Variants in PDE10A observed in about 807,000 individuals in gnomAD.
PDE10A encodes phosphodiesterase 10A.
PDE10A carries 39 observed loss-of-function variants against 97.7 expected under a neutral mutation model. The ratio of observed to expected loss-of-function variants is 0.40; its 90% CI spans 0.31 to 0.52. The LOEUF (loss-of-function observed/expected upper bound fraction) is 0.52. Ranked by LOEUF, PDE10A falls within the 20% of genes least tolerant of loss-of-function variation. The probability of loss-of-function intolerance (pLI) is 0.56; values close to 1 mark genes in which losing one functional copy is unlikely to be tolerated. For synonymous variants in PDE10A, 371 were observed against 376.8 expected (o/e 0.98, Z 0.18); for missense variants, 731 against 1,047.8 (o/e 0.70, Z 4.17).
intron 1 of PDE10A, among the ~76,000 whole-genome samples, chr6:165,879,167 A>G (rs2128480157): frequency 6.6e-6 from 1 of 152,316 alleles, no homozygotes. Flanking sequence ...AGAAAATTGC[A>G]TTGTTTATAA....
At chr6:165,395,385 C>T in intron 14 of PDE10A, 121 bp from the exon 15 acceptor site, 2 of 612,850 alleles carry the variant, frequency 3.3e-6, no homozygotes, top group Non-Finnish European at 5.9e-6. Flanking sequence ...TCAGCCATCC[C>T]TTTTCCTGCC....
At chr6:165,631,875 C>G (rs372119566) in intron 1 of PDE10A, among the ~76,000 whole-genome samples, 1 of 152,030 alleles carries the variant, frequency 6.6e-6, no homozygotes, top group Admixed American at 6.6e-5. Context: ...CTCAAGGTGA[C>G]AGTGACATAA....
intron 4 of PDE10A, among the ~76,000 whole-genome samples, chr6:165,449,604 A>T (rs1435242147): frequency 6.6e-6 from 1 of 152,174 alleles, no homozygotes; most frequent in African/African-American, 2.4e-5. Flanking sequence ...TAATAAAAAC[A>T]ACCTCCTGAG....
At chr6:165,801,467 C>A (rs1778985798) in intron 1 of PDE10A, among the ~76,000 whole-genome samples, 1 of 152,182 alleles carries the variant, frequency 6.6e-6, no homozygotes, top group African/African-American at 2.4e-5. Flanking sequence ...ATCATTTGAA[C>A]TCAGGAGGCA....
chr6:165,842,648 T>C (rs551465992), intron 1 of PDE10A, among the ~76,000 whole-genome samples: 36 of 152,200 alleles, frequency 2.4e-4, no homozygotes, highest in Non-Finnish European at 3.1e-4. Flanking sequence ...CATCAGCGTT[T>C]ATTGTGGGCC....
intron 1 of PDE10A, among the ~76,000 whole-genome samples, chr6:165,845,315 T>G (rs968882216): frequency 6.6e-6 from 1 of 152,200 alleles, no homozygotes; most frequent in African/African-American, 2.4e-5. Context: ...CTTAAAAAAT[T>G]ATCACAAATG....
At chr6:165,573,457 T>A (rs1196922736) in intron 1 of PDE10A, among the ~76,000 whole-genome samples, 1 of 152,212 alleles carries the variant, frequency 6.6e-6, no homozygotes, top group Non-Finnish European at 1.5e-5. Context: ...GACCCTAGTC[T>A]ACATTTAGCT....
intron 1 of PDE10A, among the ~76,000 whole-genome samples, chr6:165,568,146 C>G (rs184929668): frequency 0.022 from 3,387 of 151,926 alleles, 59 homozygotes; most frequent in Non-Finnish European, 0.034. Context: ...CTACAAGCGC[C>G]CGCCACCACG....
chr6:165,609,909 A>G (rs1787407971), intron 1 of PDE10A, among the ~76,000 whole-genome samples: 1 of 152,248 alleles, frequency 6.6e-6, no homozygotes, highest in South Asian at 2.1e-4. Context: ...GGAAGAATCA[A>G]TATCATGAAA....
chr6:165,778,464 A>G (rs1435666368), intron 1 of PDE10A, among the ~76,000 whole-genome samples: 2 of 151,898 alleles, frequency 1.3e-5, no homozygotes, highest in Non-Finnish European at 2.9e-5. Context: ...ATAATATTCC[A>G]TTTTTCTCTA....
At chr6:165,753,541 T>C (rs758280037) in intron 1 of PDE10A, among the ~76,000 whole-genome samples, 2 of 152,258 alleles carry the variant, frequency 1.3e-5, no homozygotes, top group Non-Finnish European at 2.9e-5. Context: ...AATTTTATTT[T>C]AAATAGAAAT....
At chr6:165,547,193 C>A (rs560497529) in intron 1 of PDE10A, among the ~76,000 whole-genome samples, 18 of 152,074 alleles carry the variant, frequency 1.2e-4, no homozygotes, top group Non-Finnish European at 2.6e-4. Context: ...TAAACTACAA[C>A]CTTTCATCTA....
chr6:165,707,970 T>C (rs1437176688), intron 1 of PDE10A, among the ~76,000 whole-genome samples: 3 of 152,180 alleles, frequency 2.0e-5, no homozygotes, highest in South Asian at 2.1e-4. Context: ...GTGCGTCTCA[T>C]AGGACTCAAC....
chr6:165,709,365 G>A (rs1441948840), intron 1 of PDE10A, among the ~76,000 whole-genome samples: 4 of 108,864 alleles, frequency 3.7e-5, no homozygotes, highest in African/African-American at 1.1e-4. Context: ...CAATGCTGCC[G>A]CGCTCTCCCC....
At chr6:165,515,234 C>T (rs923872133) in intron 2 of PDE10A, among the ~76,000 whole-genome samples, 2 of 152,080 alleles carry the variant, frequency 1.3e-5, no homozygotes, top group African/African-American at 4.8e-5. Context: ...TTTTTAAGGT[C>T]ATAAGTTCAC....
At chr6:165,619,664 C>CTAGTG (rs1174991919) in intron 1 of PDE10A, among the ~76,000 whole-genome samples, 3 of 105,000 alleles carry the variant, frequency 2.9e-5, no homozygotes, top group African/African-American at 6.0e-5. Flanking sequence ...GTAGTATAGT[C>CTAGTG]TAGTGTAGTG....
intron 13 of PDE10A, among the ~76,000 whole-genome samples, chr6:165,400,645 G>C (rs1001553427): frequency 5.9e-5 from 9 of 152,160 alleles, no homozygotes; most frequent in African/African-American, 2.2e-4. Context: ...TTGGTAAACA[G>C]TTTGGCAGTC....
At chr6:165,963,788 C>A (rs1302003513) in intron 1 of PDE10A, among the ~76,000 whole-genome samples, 1 of 152,202 alleles carries the variant, frequency 6.6e-6, no homozygotes, top group Non-Finnish European at 1.5e-5. Context: ...CCTCCTTGAC[C>A]ACTCAGGCTG....
chr6:165,810,591 C>A (rs549807009), intron 1 of PDE10A, among the ~76,000 whole-genome samples: 2 of 152,164 alleles, frequency 1.3e-5, no homozygotes, highest in Admixed American at 6.5e-5. Flanking sequence ...TTCTGCTGGA[C>A]GGTTGAACAT....
Sources: gnomAD v4.1 joint callset for allele counts (sites outside exome capture counted in the v4.1 genomes callset) on GRCh38, gnomAD v4.1.1 for gene constraint, MANE v1.5 for transcripts, NCBI Gene and HGNC (gene_info 2026-07-23, HGNC 2026-07-21) for gene names.